The following AFG1L variants were observed in gnomAD, a reference collection of about 807,000 sequenced individuals.
AFG1L encodes AFG1 like ATPase, also known as AFG1-like ATPase.
A neutral mutation model predicts 62.2 loss-of-function variants in AFG1L; 53 were observed. The ratio of observed to expected loss-of-function variants is 0.85; its 90% CI spans 0.68 to 1.07. The LOEUF is 1.07. Among genes scored for constraint, AFG1L ranks in the 50% least tolerant of loss-of-function variants. The pLI is 0.00. For synonymous variants in AFG1L, 228 were observed against 210.3 expected, an observed-to-expected ratio of 1.08 and a Z score of -0.73; for missense variants, 555 against 590.5, an observed-to-expected ratio of 0.94 and a Z score of 0.62.
intron 7 of AFG1L, among the ~76,000 whole-genome samples, chr6:108,435,079 A>C (rs1562159563): frequency 6.6e-6 from 1 of 152,312 alleles, no homozygotes; most frequent in East Asian, 1.9e-4. Context: ...TCAGTAAAGG[A>C]GGGATCCCCA....
At chr6:108,384,149 A>C (rs1272262093) in intron 6 of AFG1L, among the ~76,000 whole-genome samples, 1 of 151,714 alleles carries the variant, frequency 6.6e-6, no homozygotes, top group Non-Finnish European at 1.5e-5. Flanking sequence ...CCTGTTTTTC[A>C]TGATACCAGC....
rs114710140 is a variant in AFG1L at position 108,441,796 on chromosome 6, T to C, written c.808-5418T>C. ...ATCTAAGTGCTTTGGTAATAGTTCT[T>C]TTGCTGCTGATTAGGTATTCCTCAG... On this transcript the variant is annotated intron_variant, in intron 7 of 12. Transcript: ENST00000368977. Among the ~76,000 whole-genome samples the C allele has an allele frequency of 7.7e-3, 1,170 of 151,754 alleles. 17 individuals are homozygous for C. Among genetic ancestry groups the C allele is most frequent in the African/African-American group, 0.027 (1,120 of 41,418 alleles).
chr6:108,377,879 G>A (rs1412565973), intron 6 of AFG1L, among the ~76,000 whole-genome samples: 2 of 151,078 alleles, frequency 1.3e-5, no homozygotes, highest in East Asian at 1.9e-4. Flanking sequence ...GACTAGGGAA[G>A]TTTTCTTGAA....
At chr6:108,348,151 T>C (rs1354020547) in intron 3 of AFG1L, among the ~76,000 whole-genome samples, 1 of 152,226 alleles carries the variant, frequency 6.6e-6, no homozygotes, top group Non-Finnish European at 1.5e-5. Flanking sequence ...CGATCTCGGC[T>C]CACTGCAAGC....
intron 10 of AFG1L, among the ~76,000 whole-genome samples, chr6:108,505,502 G>A (rs1310201271): frequency 6.6e-6 from 1 of 152,022 alleles, no homozygotes; most frequent in Non-Finnish European, 1.5e-5. Flanking sequence ...AAAAACAACA[G>A]ACAATAAAAT....
intron 2 of AFG1L, among the ~76,000 whole-genome samples, chr6:108,343,196 C>T (rs1178038350): frequency 6.6e-6 from 1 of 151,934 alleles, no homozygotes; most frequent in East Asian, 1.9e-4. Flanking sequence ...TCCTGAGTAG[C>T]CTGCCACCAT....
At chr6:108,392,277 C>A (rs1031992563) in intron 6 of AFG1L, 7 of 152,114 alleles carry the variant, frequency 4.6e-5, no homozygotes, top group African/African-American at 1.7e-4. Flanking sequence ...GATAGTGATA[C>A]CTTCGCTTTC....
chr6:108,499,284 G>C (rs1774094967), intron 10 of AFG1L, among the ~76,000 whole-genome samples: 1 of 151,444 alleles, frequency 6.6e-6, no homozygotes, highest in African/African-American at 2.4e-5. Flanking sequence ...ACCCAGGCTG[G>C]TCTCAAACTC....
intron 7 of AFG1L, among the ~76,000 whole-genome samples, chr6:108,443,987 G>A (rs530643153): frequency 2.0e-5 from 3 of 152,222 alleles, no homozygotes; most frequent in Admixed American, 2.0e-4. Context: ...CAAAATGTCA[G>A]CCTATAGTTG....
At chr6:108,384,203 C>G (rs1780667632) in intron 6 of AFG1L, among the ~76,000 whole-genome samples, 1 of 152,128 alleles carries the variant, frequency 6.6e-6, no homozygotes, top group Non-Finnish European at 1.5e-5. Context: ...ACCTGCTATT[C>G]TCATAGAAAA....
intron 7 of AFG1L, among the ~76,000 whole-genome samples, chr6:108,446,836 T>C (rs542058210): frequency 3.9e-5 from 6 of 152,162 alleles, no homozygotes; most frequent in African/African-American, 1.4e-4. Context: ...TGCCCTCCTG[T>C]GGTGCTTAAG....
chr6:108,377,145 TG>T (rs1197817462), intron 6 of AFG1L, among the ~76,000 whole-genome samples: 1 of 152,140 alleles, frequency 6.6e-6, no homozygotes, highest in African/African-American at 2.4e-5. Context: ...TGTCATTACA[TG>T]TGAGATGCGT....
intron 1 of AFG1L, among the ~76,000 whole-genome samples, chr6:108,299,931 A>G (rs937395729): frequency 6.6e-6 from 1 of 152,212 alleles, no homozygotes; most frequent in Non-Finnish European, 1.5e-5. Context: ...TCTAAAACCT[A>G]AAAATTAGCA....
chr6:108,511,345 A>G (rs1774646224), intron 11 of AFG1L, among the ~76,000 whole-genome samples: 1 of 152,184 alleles, frequency 6.6e-6, no homozygotes, highest in South Asian at 2.1e-4. Context: ...CGCATGTTTT[A>G]GTGTGAATTG....
intron 7 of AFG1L, among the ~76,000 whole-genome samples, chr6:108,446,330 A>G (rs975068219): frequency 6.6e-6 from 1 of 152,098 alleles, no homozygotes; most frequent in African/African-American, 2.4e-5. Flanking sequence ...ACAGCAGGAA[A>G]GCGCACTGAA....
chr6:108,464,637 TTCTGAGTTTA>T (rs1354994128), intron 8 of AFG1L, among the ~76,000 whole-genome samples: 1 of 152,068 alleles, frequency 6.6e-6, no homozygotes, highest in Non-Finnish European at 1.5e-5. Context: ...CCGCTGCAGT[TTCTGAGTTTA>T]ACAAAAGGTG....
At chr6:108,440,457 C>T (rs1771492707) in intron 7 of AFG1L, among the ~76,000 whole-genome samples, 1 of 152,250 alleles carries the variant, frequency 6.6e-6, no homozygotes, top group East Asian at 1.9e-4. Flanking sequence ...GCGTGAGCCA[C>T]AGCACCTGGC....
At chr6:108,334,434 G>A (rs889891780) in intron 2 of AFG1L, among the ~76,000 whole-genome samples, 4 of 152,006 alleles carry the variant, frequency 2.6e-5, no homozygotes. Flanking sequence ...CGTCATGCCT[G>A]TAATCCCAGC....
rs776018561 is a variant in AFG1L, at chr6:108,522,684, G to T, written c.*259G>T. 2.1e-5 allele frequency: 5 copies of T among 243,776 alleles called. No individual in the cohort carries two copies. Among genetic ancestry groups the T allele is most frequent in the Admixed American group, 1.5e-4 (3 of 19,626 alleles). The allele number at this position is 243,776 out of a possible 1,614,324, so 15.1% of individuals were successfully genotyped here. On this transcript the variant is annotated 3_prime_UTR_variant, in exon 13 of 13. Coordinates refer to ENST00000368977, the MANE Select transcript of AFG1L (RefSeq NM_145315.5). The stretch of plus-strand genomic sequence containing the variant: ...ATCTCATTCCTGAAGATGAATGTAG[G>T]ACCAGACATTTTAGCTTCACATTAA...
Sources: allele counts gnomAD v4.1 joint callset (sites outside exome capture counted in the v4.1 genomes callset), GRCh38; gene constraint gnomAD v4.1.1; transcripts MANE v1.5; gene names NCBI Gene and HGNC (gene_info 2026-07-23, HGNC 2026-07-21).